The following MOG variants were observed in gnomAD, a reference collection of about 807,000 sequenced individuals.
The protein encoded by MOG is myelin oligodendrocyte glycoprotein, also known as myelin-oligodendrocyte glycoprotein.
In MOG, 20 loss-of-function variants were observed where a neutral mutation model predicts 35.9. That is an observed-to-expected ratio of 0.56 (90% CI 0.39 to 0.81). MOG has a LOEUF of 0.81. MOG is among the 30% of genes least tolerant of loss of function. The pLI is 0.00. For missense variants in MOG, 251 were observed against 301.0 expected (o/e 0.83, Z 1.23); for synonymous variants, 92 against 114.3 (o/e 0.80, Z 1.25).
chr6:29,663,514 T>C (rs115998550), intron 2 of MOG, among the ~76,000 whole-genome samples: 3,041 of 152,300 alleles, frequency 0.02, 90 homozygotes, highest in Admixed American at 0.069. Flanking sequence ...CTGAATTTTG[T>C]TGACGACATT....
At position 29,659,536 on chromosome 6, in the gene MOG, A is replaced by G. The variant is rs34758289; in HGVS notation, c.306A>G (p.Lys102=). The change falls in exon 2 of 8, where the codon AAA becomes AAG. Residue 102 remains lysine, a synonymous_variant. Transcript: ENST00000376917. Reference sequence around the variant, plus strand: ...ATCGGGGCCGGACAGAGCTGCTGAAAGATGCTATTGGTGAGGGAAAGGTGA... The same window carrying G: ...ATCGGGGCCGGACAGAGCTGCTGAAGGATGCTATTGGTGAGGGAAAGGTGA... The part of the protein sequence containing the change: ...PEYRGRTELL[K]DAIGEGKVTL... 20,123 of 1,613,114 alleles carry G rather than the reference A, an allele frequency of 0.012. 170 individuals carry two copies. The highest frequency in any genetic ancestry group is 0.021 in the Middle Eastern group (126 of 6,062).
At chr6:29,668,102 C>T (rs1770624103) in intron 5 of MOG, among the ~76,000 whole-genome samples, 178 bp downstream of exon 5, 1 of 152,096 alleles carries the variant, frequency 6.6e-6, no homozygotes, top group South Asian at 2.1e-4. Flanking sequence ...TAAAAATACT[C>T]ATGTACTGTT....
At position 29,667,671 on chromosome 6, in the gene MOG, C is replaced by T; in HGVS notation, c.571+8C>T. The T allele has an allele frequency of 6.2e-7, 1 of 1,613,954 alleles. No homozygotes were observed. The highest frequency in any genetic ancestry group is 2.2e-5 in the East Asian group (1 of 44,872). ...AACTTCGAGCAGAGATAGGTGAGTTCCAGTCATCGTTTCTCCCAATTCTTG... is the reference window on the plus strand; with the variant it reads ...AACTTCGAGCAGAGATAGGTGAGTTTCAGTCATCGTTTCTCCCAATTCTTG... On this transcript the variant is annotated splice_region_variant and intron_variant, in intron 4 of 7. Coordinates refer to ENST00000376917, the MANE Select transcript of MOG (RefSeq NM_206809.4).
rs552416559 is a variant in MOG, at chr6:29,662,345, G to A, written c.436+2679G>A. 2.1e-4 allele frequency: 42 copies of A among 198,766 alleles called. No individual in the cohort carries two copies. The highest frequency in any genetic ancestry group is 3.6e-4 in the Non-Finnish European group (40 of 110,732). The allele number at this position is 198,766 out of a possible 1,614,324, so 12.3% of individuals were successfully genotyped here. On this transcript the variant is annotated intron_variant, in intron 2 of 7. Coordinates refer to ENST00000376917, the MANE Select transcript of MOG (RefSeq NM_206809.4). This position sits in a 1 kb window ranked among gnomAD's most constrained non-coding sequence, Gnocchi z 4.2. ...CTAAAAAATACAAAATTAGCTAGGC[G>A]TGGTGGCACATGCCAGTAATCCCAG...
At position 29,659,391 on chromosome 6, in the gene MOG, G is replaced by A. The variant is rs530507776; in HGVS notation, c.161G>A (p.Arg54His). ...GGGGATGAAGTGGAATTGCCATGTC[G>A]CATATCTCCTGGGAAGAACGCTACA... ...LVGDEVELPC[R>H]ISPGKNATGM... The change falls in exon 2 of 8, where the codon CGC becomes CAC. Residue 54 changes from arginine (R) to histidine (H), a missense_variant. Arg to His is a conservative substitution (Grantham distance 29). Coordinates refer to ENST00000376917, the MANE Select transcript of MOG (RefSeq NM_206809.4). 6 of 1,612,838 alleles carry A rather than the reference G, an allele frequency of 3.7e-6. No homozygotes were observed. The highest frequency in any genetic ancestry group is 1.3e-5 in the African/African-American group (1 of 74,886).
At chr6:29,664,637 C>T (rs1769765931) in intron 2 of MOG, 1 of 448,348 alleles carries the variant, frequency 2.2e-6, no homozygotes, top group African/African-American at 2.0e-5. Flanking sequence ...CAGTGTCTCA[C>T]TCTGTCACCC....
At chr6:29,664,797 G>T (rs1160901855) in intron 2 of MOG, 32 of 336,598 alleles carry the variant, frequency 9.5e-5, no homozygotes, top group South Asian at 7.1e-4. Context: ...CGTAGAGGCA[G>T]GGTCTCACAT....
At chr6:29,668,867 A>G (rs1254150594) in intron 5 of MOG, among the ~76,000 whole-genome samples, 2 of 152,204 alleles carry the variant, frequency 1.3e-5, no homozygotes, top group Non-Finnish European at 2.9e-5. Flanking sequence ...AAAAACAATC[A>G]TTGTACTAAA....
In MOG at chr6:29,671,263, A is replaced by C; in HGVS notation, c.*78A>C. 6.2e-7 allele frequency: 1 copy of C among 1,612,108 alleles called. No homozygotes were observed. The highest frequency in any genetic ancestry group is 8.5e-7 in the Non-Finnish European group (1 of 1,180,032). On this transcript the variant is annotated 3_prime_UTR_variant, in exon 8 of 8. Coordinates refer to ENST00000376917, the MANE Select transcript of MOG (RefSeq NM_206809.4). ...GTCCTTGGGGACATCTCATCCATCAAGTTGCACACTCACTGGCATCTTTGC... is the reference window on the plus strand; with the variant it reads ...GTCCTTGGGGACATCTCATCCATCACGTTGCACACTCACTGGCATCTTTGC...
intron 2 of MOG, among the ~76,000 whole-genome samples, chr6:29,665,350 C>T (rs1419941651): frequency 6.6e-6 from 1 of 152,050 alleles, no homozygotes; most frequent in Non-Finnish European, 1.5e-5. Flanking sequence ...CCCGCCTCGG[C>T]CTCCCAAAGT....
At chr6:29,661,564 T>A in intron 2 of MOG, 3 of 984,464 alleles carry the variant, frequency 3.0e-6, no homozygotes, top group Non-Finnish European at 3.6e-6. Context: ...CTCACACCTA[T>A]AATCCCAAAA....
chr6:29,661,258 G>A (rs1768667777), intron 2 of MOG: 1 of 421,652 alleles, frequency 2.4e-6, no homozygotes, highest in Non-Finnish European at 3.2e-6. Context: ...GGAGGTGGGA[G>A]TGACCATTGC....
At chr6:29,669,304 CTTTCTTTT>C (rs763006713) in intron 5 of MOG, among the ~76,000 whole-genome samples, 2 of 147,880 alleles carry the variant, frequency 1.4e-5, no homozygotes, top group Admixed American at 6.7e-5. Context: ...TTCTTTCTTT[CTTTCTTTT>C]TTTTTGAGAT....
At position 29,663,294 on chromosome 6, in the gene MOG, C is replaced by T. The variant is rs1044089220; in HGVS notation, c.437-2858C>T. On this transcript the variant is annotated intron_variant, in intron 2 of 7. Coordinates refer to ENST00000376917, the MANE Select transcript of MOG (RefSeq NM_206809.4). ...AAAAAAAAAAAAAAAAGCCCCCCCT[C>T]CCCACACACAATAATATAAATAAAT... Among the ~76,000 whole-genome samples the T allele has an allele frequency of 4.0e-5, 6 of 150,132 alleles. No individual in the cohort carries two copies. In the South Asian group the frequency reaches 1.3e-3, roughly 32 times the overall value.
intron 2 of MOG, among the ~76,000 whole-genome samples, chr6:29,660,484 C>A (rs1768341604): frequency 6.8e-6 from 1 of 148,092 alleles, no homozygotes. Flanking sequence ...GAGCCAAAAT[C>A]CTTCCACTGC....
intron 2 of MOG, among the ~76,000 whole-genome samples, chr6:29,663,698 C>G (rs1452072111): frequency 6.6e-6 from 1 of 152,146 alleles, no homozygotes; most frequent in African/African-American, 2.4e-5. Flanking sequence ...GCTTTTCTCT[C>G]TTTTCTAATT....
chr6:29,671,999 C>T lies in MOG; in HGVS notation c.*814C>T, dbSNP rs9257936. ...AGCTAGGTGCTAATTAATAAAGATA[C>T]GAGTTTTGGCCGGGTGCGGTGGCTC... is the stretch of plus-strand genomic sequence containing the variant. On this transcript the variant is annotated 3_prime_UTR_variant, in exon 8 of 8. Coordinates refer to ENST00000376917, the MANE Select transcript of MOG (RefSeq NM_206809.4). 0.081 allele frequency: 12,656 copies of T among 156,402 alleles called. 672 individuals are homozygous for T. Among genetic ancestry groups the T allele is most frequent in the Non-Finnish European group, 0.11 (8,116 of 70,584 alleles). The allele number at this position is 156,402 out of a possible 1,614,324, so 9.7% of individuals were successfully genotyped here.
Position 29,663,002 on chromosome 6 carries a change from G to A in MOG, c.437-3150G>A, listed in dbSNP as rs187352540. ...AAAAATAAATAGGCCGGGCGCGGTGGCTCACACCTGTAATCCCAGTACTTT... is the reference window on the plus strand; with the variant it reads ...AAAAATAAATAGGCCGGGCGCGGTGACTCACACCTGTAATCCCAGTACTTT... On this transcript the variant is annotated intron_variant, in intron 2 of 7. Transcript: ENST00000376917. 7.2e-5 allele frequency among the ~76,000 whole-genome samples: 11 copies of A among 152,242 alleles called. No individual in the cohort carries two copies. In the South Asian group the frequency reaches 1.2e-3, roughly 17 times the overall value.
intron 2 of MOG, chr6:29,664,123 C>T (rs2127515421): frequency 6.5e-6 from 1 of 152,812 alleles, no homozygotes; most frequent in East Asian, 1.9e-4. Flanking sequence ...ATTGCTCAAC[C>T]TACTCCACAT....
Sources: gnomAD v4.1 joint callset for allele counts (sites outside exome capture counted in the v4.1 genomes callset) on GRCh38, gnomAD v4.1.1 for gene constraint, Gnocchi (gnomAD v3.1) non-coding constraint, MANE v1.5 for transcripts, NCBI Gene and HGNC (gene_info 2026-07-23, HGNC 2026-07-21) for gene names.